The following PLCB4 variants were observed in gnomAD, a reference collection of about 807,000 sequenced individuals.
PLCB4 encodes 1-phosphatidylinositol 4,5-bisphosphate phosphodiesterase beta-4.
PLCB4 carries 77 observed loss-of-function variants against 178.8 expected under a neutral mutation model. The ratio of observed to expected loss-of-function variants is 0.43; its 90% CI spans 0.36 to 0.52. The LOEUF is 0.52. Among genes scored for constraint, PLCB4 ranks in the 20% least tolerant of loss-of-function variants. The pLI is 0.00. For synonymous variants in PLCB4, 496 were observed against 490.8 expected (o/e 1.01, Z -0.14); for missense variants, 1,024 against 1,453.4 (o/e 0.70, Z 4.80).
intron 2 of PLCB4, among the ~76,000 whole-genome samples, chr20:9,194,020 T>A (rs922388589): frequency 1.3e-5 from 2 of 152,140 alleles, no homozygotes; most frequent in Non-Finnish European, 2.9e-5. Flanking sequence ...TAAAAAAAAT[T>A]GGAAGCTATC....
Position 9,408,965 on chromosome 20 carries a change from T to G in PLCB4, c.1875-92T>G, listed in dbSNP as rs540535147. ...TCTGTGCTGTCTACTTGTTTGTCATTGTTGGCCTAGACCTTTGTTGTTTTA... is the reference window on the plus strand; with the variant it reads ...TCTGTGCTGTCTACTTGTTTGTCATGGTTGGCCTAGACCTTTGTTGTTTTA... On this transcript the variant is annotated intron_variant, in intron 23 of 39. Coordinates refer to ENST00000378473, the MANE Select transcript of PLCB4 (RefSeq NM_001377142.1). 13 of 1,134,634 alleles carry G rather than the reference T, an allele frequency of 1.1e-5. No individual in the cohort carries two copies. The East Asian group carries it at 1.5e-4, about 13-fold the overall frequency. 70.3% of individuals were successfully genotyped at this position (1,134,634 alleles called of 1,614,324 possible). A position where few individuals can be genotyped will look rare whatever the true frequency, so the allele number is the denominator to read the frequency against.
Position 9,336,819 on chromosome 20 carries a change from A to C in PLCB4, c.85-307A>C, listed in dbSNP as rs542704978. On this transcript the variant is annotated intron_variant, in intron 4 of 39. Coordinates refer to ENST00000378473, the MANE Select transcript of PLCB4 (RefSeq NM_001377142.1). Reference sequence around the variant, plus strand: ...TGATTTTTGACATCAGTGGGCTAGAACTTGGGAATCCTTCTTCCAAGATAT... The same window carrying C: ...TGATTTTTGACATCAGTGGGCTAGACCTTGGGAATCCTTCTTCCAAGATAT... Among the ~76,000 whole-genome samples the C allele has an allele frequency of 2.6e-5, 4 of 152,208 alleles. No homozygotes were observed. In the South Asian group the frequency reaches 8.3e-4, roughly 32 times the overall value.
At chr20:9,363,608 A>G (rs1390878190) in intron 8 of PLCB4, among the ~76,000 whole-genome samples, 4 of 152,238 alleles carry the variant, frequency 2.6e-5, no homozygotes, top group Non-Finnish European at 2.9e-5. Context: ...ACAGTGGTAG[A>G]TTTAAACCCT....
chr20:9,458,848 A>G (rs796119376), intron 34 of PLCB4, among the ~76,000 whole-genome samples: 8 of 152,232 alleles, frequency 5.3e-5, no homozygotes, highest in African/African-American at 1.9e-4. Flanking sequence ...GCAAAACCCC[A>G]CTGCAAAGAG....
At chr20:9,366,396 C>CAAAAAAA (rs1198133351) in intron 9 of PLCB4, among the ~76,000 whole-genome samples, 1 of 33,984 alleles carries the variant, frequency 2.9e-5, no homozygotes, top group African/African-American at 9.9e-5. Flanking sequence ...GACTCCATCT[C>CAAAAAAA]AAAAAAAAAA....
chr20:9,221,220 C>T (rs937033555), intron 3 of PLCB4, among the ~76,000 whole-genome samples: 1 of 152,108 alleles, frequency 6.6e-6, no homozygotes, highest in African/African-American at 2.4e-5. Flanking sequence ...CGCTCTGGAA[C>T]ATAATTGCTC....
intron 2 of PLCB4, among the ~76,000 whole-genome samples, chr20:9,197,155 C>T (rs1379998063): frequency 6.6e-6 from 1 of 152,126 alleles, no homozygotes; most frequent in African/African-American, 2.4e-5. Context: ...TATTAGATGC[C>T]TCCAGGTAAA....
At chr20:9,283,418 G>A (rs1381212358) in intron 3 of PLCB4, among the ~76,000 whole-genome samples, 2 of 151,850 alleles carry the variant, frequency 1.3e-5, no homozygotes, top group African/African-American at 4.8e-5. Flanking sequence ...GTGTCTGAAG[G>A]CTGATCTTCT....
At chr20:9,366,123 C>T (rs1203765713) in intron 9 of PLCB4, among the ~76,000 whole-genome samples, 1 of 152,092 alleles carries the variant, frequency 6.6e-6, no homozygotes, top group Non-Finnish European at 1.5e-5. Context: ...GGCATGGTGG[C>T]TCATACCTGT....
At chr20:9,339,814 G>C (rs1345341099) in intron 7 of PLCB4, among the ~76,000 whole-genome samples, 1 of 152,130 alleles carries the variant, frequency 6.6e-6, no homozygotes, top group East Asian at 1.9e-4. Flanking sequence ...ATTGGGTTAA[G>C]ATCAGTCTTT....
At chr20:9,259,016 A>C (rs796169863) in intron 3 of PLCB4, among the ~76,000 whole-genome samples, 43 of 152,328 alleles carry the variant, frequency 2.8e-4, no homozygotes, top group African/African-American at 7.7e-4. Context: ...AATCTAAGAC[A>C]ATAGTTATTT....
At chr20:9,314,894 G>A (rs917683460) in intron 4 of PLCB4, among the ~76,000 whole-genome samples, 1 of 149,554 alleles carries the variant, frequency 6.7e-6, no homozygotes, top group African/African-American at 2.5e-5. Context: ...TTTTTGAGAC[G>A]GAATTTCGTG....
Position 9,401,594 on chromosome 20 carries a change from A to G in PLCB4, c.1611+4A>G. ...TGTTGCAAATAGCGTCAAGAAGGTC[A>G]GAGTCCCCTTTCTTTCATCACTCTC... On this transcript the variant is annotated splice_donor_region_variant and intron_variant, in intron 20 of 39. Coordinates refer to ENST00000378473, the MANE Select transcript of PLCB4 (RefSeq NM_001377142.1). The G allele has an allele frequency of 6.3e-7, 1 of 1,590,376 alleles. No individual in the cohort carries two copies. Among genetic ancestry groups the G allele is most frequent in the South Asian group, 1.1e-5 (1 of 90,414 alleles).
chr20:9,301,271 G>C (rs529230212), intron 3 of PLCB4, among the ~76,000 whole-genome samples: 1 of 151,810 alleles, frequency 6.6e-6, no homozygotes, highest in Admixed American at 6.6e-5. Flanking sequence ...TATCTTTTGG[G>C]GGCCATTTAT....
chr20:9,079,848 C>T (rs796413134), intron 1 of PLCB4, among the ~76,000 whole-genome samples: 2 of 151,448 alleles, frequency 1.3e-5, no homozygotes, highest in African/African-American at 4.9e-5. Context: ...TTTTAGTTCC[C>T]TTTGGAAGGG....
intron 2 of PLCB4, among the ~76,000 whole-genome samples, chr20:9,111,102 T>C (rs1279213995): frequency 6.6e-6 from 1 of 151,764 alleles, no homozygotes; most frequent in Non-Finnish European, 1.5e-5. Context: ...AAATGCCAGA[T>C]TGAACGATGT....
chr20:9,424,263 G>GA (rs1219128678), intron 28 of PLCB4, among the ~76,000 whole-genome samples: 10 of 151,998 alleles, frequency 6.6e-5, no homozygotes, highest in Non-Finnish European at 2.9e-5. Context: ...TCAGACTAGG[G>GA]AAAAAAACAT....
intron 2 of PLCB4, among the ~76,000 whole-genome samples, chr20:9,190,731 G>C (rs1330341435): frequency 1.3e-5 from 2 of 152,186 alleles, no homozygotes; most frequent in Non-Finnish European, 2.9e-5. Context: ...GGTTCCTGGG[G>C]ACATTGAGAG....
intron 7 of PLCB4, 117 bp downstream of exon 7, chr20:9,339,154 A>G (rs2032880762): frequency 2.9e-5 from 23 of 799,664 alleles, no homozygotes; most frequent in Admixed American, 5.8e-5. Flanking sequence ...AAAAGTTAGC[A>G]TTGCTTTGCT....
Sources: allele counts gnomAD v4.1 joint callset (sites outside exome capture counted in the v4.1 genomes callset), GRCh38; gene constraint gnomAD v4.1.1; transcripts MANE v1.5; gene names NCBI Gene and HGNC (gene_info 2026-07-23, HGNC 2026-07-21).